UBR4: variants seen among roughly 807,000 people sequenced by gnomAD.
UBR4 encodes the protein E3 ubiquitin-protein ligase UBR4.
Under a neutral mutation model 575.6 loss-of-function variants are expected in UBR4, and 124 were observed. The ratio of observed to expected loss-of-function variants is 0.22; its 90% CI spans 0.19 to 0.25. UBR4 has a LOEUF of 0.25. Ranked by LOEUF, UBR4 falls within the 10% of genes least tolerant of loss-of-function variation. The probability of loss-of-function intolerance (pLI) is 1.00; values close to 1 mark genes in which losing one functional copy is unlikely to be tolerated. For missense variants in UBR4, 4,818 were observed against 6,478.8 expected (o/e 0.74, Z 8.80); for synonymous variants, 2,455 against 2,473.7 (o/e 0.99, Z 0.22).
intron 60 of UBR4, among the ~76,000 whole-genome samples, chr1:19,132,001 C>T (rs943307561): frequency 6.6e-5 from 10 of 152,124 alleles, no homozygotes; most frequent in African/African-American, 2.4e-4. Flanking sequence ...TAGTAACATA[C>T]TTTTAAATAT....
Position 19,161,871 on chromosome 1 carries a change from G to C in UBR4, c.4983C>G (p.Leu1661=). 1.2e-6 allele frequency: 2 copies of C among 1,614,178 alleles called. No individual in the cohort carries two copies. Among genetic ancestry groups the C allele is most frequent in the African/African-American group, 2.7e-5 (2 of 75,060 alleles). The part of the protein sequence containing the change: ...DSDEDSLCNK[L]CTFTITQKEF... ...CTTTCTGTGTGATCGTAAAAGTGCA[G>C]AGTTTATTGCAAAGAGAATCTTCAT... Residue 1661 remains leucine, a synonymous_variant, in exon 36 of 106, where the codon CTC becomes CTG. Transcript: ENST00000375254.
At chr1:19,190,785 A>G (rs1196233032) in intron 11 of UBR4, among the ~76,000 whole-genome samples, 1 of 151,918 alleles carries the variant, frequency 6.6e-6, no homozygotes, top group Non-Finnish European at 1.5e-5. Context: ...TATCCAAGTC[A>G]CCTTCATATC....
Position 19,115,705 on chromosome 1 carries a change from A to G in UBR4, c.10824-68T>C. The G allele has an allele frequency of 8.9e-6, 14 of 1,576,998 alleles. No homozygotes were observed. In the South Asian group the frequency reaches 1.4e-4, roughly 16 times the overall value. On this transcript the variant is annotated intron_variant, in intron 73 of 105. Coordinates refer to ENST00000375254, the MANE Select transcript of UBR4 (RefSeq NM_020765.3). ...CAGTGATAACAGTCTGATGAGACAAAGAGGAAGACTGTCCCATGTATTTTT... is the reference window on the plus strand; with the variant it reads ...CAGTGATAACAGTCTGATGAGACAAGGAGGAAGACTGTCCCATGTATTTTT...
In UBR4 at chr1:19,198,732, CAAAGGTGCCATGGA is replaced by C. The variant is rs749708262; in HGVS notation, c.508+53_509-53del. Reference sequence around the variant, plus strand: ...GGCTGAGGAAAGTGCCACTAGAAGGCAAAGGTGCCATGGAAAAGGTGCCATGGGGGTGGTCATGT... The same window carrying C: ...GGCTGAGGAAAGTGCCACTAGAAGGCAAAGGTGCCATGGGGGTGGTCATGT... On this transcript the variant is annotated intron_variant, in intron 4 of 105. Coordinates refer to ENST00000375254, the MANE Select transcript of UBR4 (RefSeq NM_020765.3). 12 of 1,612,408 alleles carry C rather than the reference CAAAGGTGCCATGGA, an allele frequency of 7.4e-6. No individual in the cohort carries two copies. The Admixed American group carries it at 1.2e-4, about 16-fold the overall frequency.
intron 2 of UBR4, among the ~76,000 whole-genome samples, chr1:19,201,031 G>A (rs1468865889): frequency 6.6e-6 from 1 of 152,146 alleles, no homozygotes; most frequent in South Asian, 2.1e-4. Flanking sequence ...AGCTAGGACT[G>A]AGGAGGCTAA....
Position 19,110,858 on chromosome 1 carries a change from C to T in UBR4, c.11802-26G>A. 1 of 1,605,332 alleles carries T rather than the reference C, an allele frequency of 6.2e-7. No individual in the cohort carries two copies. The highest frequency in any genetic ancestry group is 1.1e-5 in the South Asian group (1 of 90,400). On this transcript the variant is annotated intron_variant, in intron 78 of 105. Coordinates refer to ENST00000375254, the MANE Select transcript of UBR4 (RefSeq NM_020765.3). The surrounding 1 kb of genome is among the most constrained non-coding windows in gnomAD (Gnocchi z 4.5). ...CTGCAGAAGCAAATAGAAATGGAGT[C>T]CTATAATTCACAATCAGGTGTGACA...
rs1380552861 is a variant in UBR4 at position 19,115,492 on chromosome 1, T to C, written c.10969A>G (p.Thr3657Ala). 1 of 1,614,166 alleles carries C rather than the reference T, an allele frequency of 6.2e-7. No individual in the cohort carries two copies. Among genetic ancestry groups the C allele is most frequent in the South Asian group, 1.1e-5 (1 of 91,074 alleles). ...GCACTACAGCGAGGGCACTGCAGGG[T>C]CTCTGTGGAGGCCTGGTAGTTTTCA... is the stretch of plus-strand genomic sequence containing the variant. ...FYENYQASTETLQCPRCSASV... is the reference protein window; with the variant it reads ...FYENYQASTEALQCPRCSASV... The change falls in exon 74 of 106, where the codon ACC (threonine) becomes GCC (alanine). Residue 3657 changes from threonine (T) to alanine (A), a missense_variant. By Grantham distance (58) the Thr-to-Ala change is moderately conservative (BLOSUM62 0). This residue lies in a region of UBR4 where 550 missense variants were observed against 791.5 expected (regional missense o/e 0.69). Transcript: ENST00000375254.
At chr1:19,118,720 G>T in intron 71 of UBR4, 152 bp downstream of exon 71, 3 of 699,268 alleles carry the variant, frequency 4.3e-6, no homozygotes, top group Non-Finnish European at 7.3e-6. Flanking sequence ...GCAAGACCCT[G>T]GCCTACATGG....
At chr1:19,094,664 G>A (rs2077850147) in intron 94 of UBR4, among the ~76,000 whole-genome samples, 1 of 152,240 alleles carries the variant, frequency 6.6e-6, no homozygotes, top group Admixed American at 6.5e-5. Flanking sequence ...GACATGCCAG[G>A]ATTCCATTAA....
Position 19,114,018 on chromosome 1 carries a change from T to C in UBR4, c.11255A>G (p.Gln3752Arg). ...LLDKADRVYH[Q>R]LMGHRPQLEN... is the part of the protein sequence containing the mutation. Reference sequence around the variant, plus strand: ...CAGCTGTGGCCGGTGTCCCATCAGCTGATGATACACTCGATCAGCTTTGTC... The same window carrying C: ...CAGCTGTGGCCGGTGTCCCATCAGCCGATGATACACTCGATCAGCTTTGTC... Residue 3752 changes from glutamine to arginine, a missense_variant, in exon 76 of 106, where the codon CAG (glutamine) becomes CGG (arginine). This residue lies in a region of UBR4 where 333 missense variants were observed against 459.2 expected (regional missense o/e 0.73). Coordinates refer to ENST00000375254, the MANE Select transcript of UBR4 (RefSeq NM_020765.3). 1 of 1,614,226 alleles carries C rather than the reference T, an allele frequency of 6.2e-7. No homozygotes were observed. The highest frequency in any genetic ancestry group is 1.1e-5 in the South Asian group (1 of 91,086).
In UBR4 at chr1:19,117,991, C is replaced by T. The variant is rs2080734907; in HGVS notation, c.10542-81G>A. ...TTTCACAAAAAAATCATGACAAAGC[C>T]ATGGCTCAATGTGAGCCAAAGTGAG... On this transcript the variant is annotated intron_variant, in intron 71 of 105. Coordinates refer to ENST00000375254, the MANE Select transcript of UBR4 (RefSeq NM_020765.3). This position sits in a 1 kb window ranked among gnomAD's most constrained non-coding sequence, Gnocchi z 4.0. 3 of 1,415,634 alleles carry T rather than the reference C, an allele frequency of 2.1e-6. No homozygotes were observed. Among genetic ancestry groups the T allele is most frequent in the Non-Finnish European group, 3.0e-6 (3 of 1,006,498 alleles). 87.7% of individuals were successfully genotyped at this position (1,415,634 alleles called of 1,614,324 possible). A position where few individuals can be genotyped will look rare whatever the true frequency, so the allele number is the denominator to read the frequency against.
At position 19,128,794 on chromosome 1, in the gene UBR4, TC is replaced by T. The variant is rs1236151644; in HGVS notation, c.9003+183del. Among the ~76,000 whole-genome samples the T allele has an allele frequency of 5.9e-5, 9 of 152,220 alleles. 1 individual carries two copies. The highest frequency in any genetic ancestry group is 2.2e-4 in the African/African-American group (9 of 41,458). On this transcript the variant is annotated intron_variant, in intron 61 of 105. Transcript: ENST00000375254. ...ATGAACTTGTGCATTTAAAAAATTCTCTGACCCTTAGCTTTCTCATTTATAA... is the reference window on the plus strand; with the variant it reads ...ATGAACTTGTGCATTTAAAAAATTCTTGACCCTTAGCTTTCTCATTTATAA...
In UBR4 at chr1:19,210,133, G is replaced by T; in HGVS notation, c.116C>A (p.Ala39Glu). ...WEVAVRPLLS[A>E]SYSAFEMKEL... ...CTTCATCTCGAAGGCGGAGTAGGAC[G>T]CGGACAGCAGGGGCCGCACAGCCAC... is the stretch of plus-strand genomic sequence containing the variant. The change falls in exon 1 of 106, where the codon GCG becomes GAG. Residue 39 changes from alanine (A) to glutamate (E), a missense_variant. Ala to Glu is a moderately radical substitution (Grantham distance 107, BLOSUM62 -1). Transcript: ENST00000375254. 1 of 1,585,578 alleles carries T rather than the reference G, an allele frequency of 6.3e-7. No homozygotes were observed. Among genetic ancestry groups the T allele is most frequent in the Admixed American group, 1.7e-5 (1 of 57,344 alleles).
chr1:19,114,866 T>C lies in UBR4; in HGVS notation c.11147A>G (p.Tyr3716Cys). The C allele has an allele frequency of 1.2e-6, 2 of 1,614,164 alleles. No homozygotes were observed. The highest frequency in any genetic ancestry group is 1.3e-5 in the African/African-American group (1 of 75,012). ...CKYARFDFML[Y>C]AKPCCAVDPI... Reference sequence around the variant, plus strand: ...ATCCACTGCACAGCAAGGCTTGGCATAGAGCATGAAGTCGAAGCGGGCATA... The same window carrying C: ...ATCCACTGCACAGCAAGGCTTGGCACAGAGCATGAAGTCGAAGCGGGCATA... Residue 3716 changes from tyrosine (Y) to cysteine (C), a missense_variant, in exon 75 of 106, where the codon TAT (tyrosine) becomes TGT (cysteine). This residue lies in a region of UBR4 where 333 missense variants were observed against 459.2 expected (regional missense o/e 0.73). Coordinates refer to ENST00000375254, the MANE Select transcript of UBR4 (RefSeq NM_020765.3).
rs1383736874 is a variant in UBR4, at chr1:19,197,793, A to G, written c.770T>C (p.Leu257Pro). ...ATATGGCAGGTTCAAACATACACGC[A>G]GTAGCTTCTCCGAGCCACCTAAATG... is the stretch of plus-strand genomic sequence containing the variant. ...LQELGGSEKL[L>P]RVCLNLPYFL... Residue 257 changes from leucine (L) to proline (P), a missense_variant, in exon 7 of 106, where the codon CTG becomes CCG. Leu to Pro is a moderately conservative substitution (Grantham distance 98). This residue lies in a region of UBR4 where 131 missense variants were observed against 214.5 expected (regional missense o/e 0.61). Transcript: ENST00000375254. The G allele has an allele frequency of 6.2e-7, 1 of 1,614,188 alleles. No homozygotes were observed. The highest frequency in any genetic ancestry group is 8.5e-7 in the Non-Finnish European group (1 of 1,180,030).
chr1:19,138,302 CA>C, intron 59 of UBR4, 121 bp from the exon 60 acceptor site: 1 of 1,107,218 alleles, frequency 9.0e-7, no homozygotes, highest in Non-Finnish European at 1.2e-6. Flanking sequence ...TAACTGGTAG[CA>C]TTTTTGTCTT....
intron 67 of UBR4, 25 bp downstream of exon 67, chr1:19,121,909 A>G (rs781752872): frequency 3.1e-6 from 5 of 1,613,764 alleles, no homozygotes; most frequent in Non-Finnish European, 4.2e-6. Context: ...GAATAACAGC[A>G]ATCAAAAGGA....
intron 60 of UBR4, among the ~76,000 whole-genome samples, chr1:19,132,176 G>T (rs897724886): frequency 4.0e-5 from 6 of 151,878 alleles, no homozygotes; most frequent in Admixed American, 3.3e-4. Flanking sequence ...CTTCAAATAT[G>T]GTTTTTTGTT....
rs146227510 is a variant in UBR4, at chr1:19,181,313, G to A, written c.2185-2093C>T. ...AAGGCTGAGGGCAAGAGTACTGCTT[G>A]AGCCCAGAGTTCAAGACCAGCCTGG... On this transcript the variant is annotated intron_variant, in intron 17 of 105. Transcript: ENST00000375254. 3.4e-3 allele frequency among the ~76,000 whole-genome samples: 522 copies of A among 152,122 alleles called. 5 individuals are homozygous for A. Among genetic ancestry groups the A allele is most frequent in the Middle Eastern group, 6.8e-3 (2 of 294 alleles).
Sources: allele counts gnomAD v4.1 joint callset (sites outside exome capture counted in the v4.1 genomes callset), GRCh38; gene constraint gnomAD v4.1.1; regional missense constraint gnomAD v4.1.1; non-coding constraint Gnocchi (gnomAD v3.1); transcripts MANE v1.5; gene names NCBI Gene and HGNC (gene_info 2026-07-23, HGNC 2026-07-21).